BRIP1: variants seen among roughly 807,000 people sequenced by gnomAD.
BRIP1 encodes Fanconi anemia group J protein.
A neutral mutation model predicts 119.7 loss-of-function variants in BRIP1; 88 were observed. The observed-to-expected ratio is 0.74, with a 90% CI of 0.62 to 0.88. The LOEUF (loss-of-function observed/expected upper bound fraction) is 0.88, where lower values mean the gene tolerates loss of function less well. Among genes scored for constraint, BRIP1 ranks in the 40% least tolerant of loss-of-function variants. BRIP1 has a pLI of 0.00. For missense variants in BRIP1, 1,259 were observed against 1,455.4 expected, an observed-to-expected ratio of 0.87 and a Z score of 2.20; for synonymous variants, 443 against 496.5, an observed-to-expected ratio of 0.89 and a Z score of 1.43.
In BRIP1 at chr17:61,837,112, A is replaced by G. The variant is rs185221277; in HGVS notation, c.627+9989T>C. 9.1e-4 allele frequency among the ~76,000 whole-genome samples: 138 copies of G among 152,362 alleles called. 1 individual carries two copies. Among genetic ancestry groups the G allele is most frequent in the Non-Finnish European group, 1.5e-3 (104 of 68,032 alleles). ...TTTTGAAAACTGTCAAACCCAAAGA[A>G]AAGTTAAAAGAACATGACAATAAGC... On this transcript the variant is annotated intron_variant, in intron 6 of 19. Coordinates refer to ENST00000259008, the MANE Select transcript of BRIP1 (RefSeq NM_032043.3).
At chr17:61,765,410 TATATATATA>T (rs1456813285) in intron 14 of BRIP1, among the ~76,000 whole-genome samples, 14 of 17,362 alleles carry the variant, frequency 8.1e-4, no homozygotes, top group Non-Finnish European at 1.2e-3. Context: ...TATATATATA[TATATATATA>T]TATATTTTTT....
At position 61,856,837 on chromosome 17, in the gene BRIP1, A is replaced by G. The variant is rs2145822919; in HGVS notation, c.379+221T>C. Among the ~76,000 whole-genome samples the G allele has an allele frequency of 6.6e-6, 1 of 152,356 alleles. No homozygotes were observed. On this transcript the variant is annotated intron_variant, in intron 4 of 19. Coordinates refer to ENST00000259008, the MANE Select transcript of BRIP1 (RefSeq NM_032043.3). This position sits in a 1 kb window ranked among gnomAD's most constrained non-coding sequence, Gnocchi z 5.1. ...CCTTGCCTTCCTTAAAAAATTATTT[A>G]GGACAACAAAATGTCTCAATAAATT...
chr17:61,781,848 G>A (rs2077624853), intron 11 of BRIP1, among the ~76,000 whole-genome samples: 1 of 151,570 alleles, frequency 6.6e-6, no homozygotes, highest in African/African-American at 2.4e-5. Flanking sequence ...TTGAACCCGG[G>A]AGGTGGAGGT....
chr17:61,704,812 T>G lies in BRIP1; in HGVS notation c.2492+11139A>C, dbSNP rs559385998. ...ATGCCTGTGGAGTCTGTAGTTATAC[T>G]ATTAATACCTCTTTTATTCCTGATA... On this transcript the variant is annotated intron_variant, in intron 17 of 19. Transcript: ENST00000259008. This position sits in a 1 kb window ranked among gnomAD's most constrained non-coding sequence, Gnocchi z 5.7. Among the ~76,000 whole-genome samples, 1 of 152,266 alleles carries G rather than the reference T, an allele frequency of 6.6e-6. No homozygotes were observed. The highest frequency in any genetic ancestry group is 1.9e-4 in the East Asian group (1 of 5,196).
In BRIP1 at chr17:61,799,180, A is replaced by G; in HGVS notation, c.1260T>C (p.Asp420=). The change falls in exon 9 of 20, where the codon GAT becomes GAC. Residue 420 remains aspartate, a synonymous_variant. Transcript: ENST00000259008. This position sits in a 1 kb window ranked among gnomAD's most constrained non-coding sequence, Gnocchi z 5.1. The part of the protein sequence containing the change: ...VTEVQLRFAR[D]ELDSMVNNNI... ...TATTGTTGACCATACTATCTAGTTC[A>G]TCCCGAGCAAACCGAAGCTGAACTT... The G allele has an allele frequency of 6.2e-7, 1 of 1,613,748 alleles. No homozygotes were observed. The highest frequency in any genetic ancestry group is 8.5e-7 in the Non-Finnish European group (1 of 1,179,730).
chr17:61,786,803 AT>A (rs1195965011), intron 10 of BRIP1, among the ~76,000 whole-genome samples: 3 of 130,838 alleles, frequency 2.3e-5, no homozygotes, highest in East Asian at 4.2e-4. Flanking sequence ...TATATTATAT[AT>A]TTATATATTT....
At position 61,861,549 on chromosome 17, in the gene BRIP1, C is replaced by G. The variant is rs1353801662; in HGVS notation, c.-10G>C. On this transcript the variant is annotated 5_prime_UTR_variant, in exon 2 of 20. Coordinates refer to ENST00000259008, the MANE Select transcript of BRIP1 (RefSeq NM_032043.3). This position sits in a 1 kb window ranked among gnomAD's most constrained non-coding sequence, Gnocchi z 4.5. ...ACCACATTGAAGACATAGTGCTTTCCTGTTTATTTCAGATTCCTAACTACA... is the reference window on the plus strand; with the variant it reads ...ACCACATTGAAGACATAGTGCTTTCGTGTTTATTTCAGATTCCTAACTACA... 6.3e-7 allele frequency: 1 copy of G among 1,586,268 alleles called. No homozygotes were observed. The highest frequency in any genetic ancestry group is 1.1e-5 in the South Asian group (1 of 90,468).
rs149731454 is a variant in BRIP1, at chr17:61,692,180, G to A, written c.2575+1250C>T. On this transcript the variant is annotated intron_variant, in intron 18 of 19. Coordinates refer to ENST00000259008, the MANE Select transcript of BRIP1 (RefSeq NM_032043.3). ...AGCAGATGCTGATGCCATGATTCTT[G>A]TGCAGCCTGCAGAACCATAAGCCAA... 3.7e-3 allele frequency among the ~76,000 whole-genome samples: 559 copies of A among 152,296 alleles called. 1 individual carries two copies. The highest frequency in any genetic ancestry group is 0.011 in the African/African-American group (447 of 41,564).
In BRIP1 at chr17:61,776,593, A is replaced by C; in HGVS notation, c.1936-31T>G. 1 of 1,608,514 alleles carries C rather than the reference A, an allele frequency of 6.2e-7. No individual in the cohort carries two copies. The highest frequency in any genetic ancestry group is 8.5e-7 in the Non-Finnish European group (1 of 1,174,900). On this transcript the variant is annotated intron_variant, in intron 13 of 19. Transcript: ENST00000259008. The surrounding 1 kb of genome is among the most constrained non-coding windows in gnomAD (Gnocchi z 5.0). ...ATATGAATATGTCATTATTAGAGTT[A>C]TGCCTGAAAAAGGCATGGAAATTAG...
chr17:61,689,215 C>T lies in BRIP1; in HGVS notation c.2576-3050G>A, dbSNP rs1227897280. On this transcript the variant is annotated intron_variant, in intron 18 of 19. Coordinates refer to ENST00000259008, the MANE Select transcript of BRIP1 (RefSeq NM_032043.3). The surrounding 1 kb of genome is among the most constrained non-coding windows in gnomAD (Gnocchi z 4.5). ...TGTACCACCACACCCGGCTAATTGT[C>T]GTATTTTTAGTAGAGGTGGGGTTTC... 6.6e-6 allele frequency among the ~76,000 whole-genome samples: 1 copy of T among 151,594 alleles called. No homozygotes were observed. The highest frequency in any genetic ancestry group is 2.4e-5 in the African/African-American group (1 of 41,256).
chr17:61,716,795 T>A, intron 16 of BRIP1, among the ~76,000 whole-genome samples: 1 of 151,054 alleles, frequency 6.6e-6, no homozygotes, highest in African/African-American at 2.4e-5. Flanking sequence ...TTTCCACTAC[T>A]GGAAATAATA....
In BRIP1 at chr17:61,682,440, C is replaced by T. The variant is rs1467111311; in HGVS notation, c.*856G>A. Reference sequence around the variant, plus strand: ...CTTCATTTGGCATTTTATATCTTTACGTCAATTTGTTTATGACATGTTTGG... The same window carrying T: ...CTTCATTTGGCATTTTATATCTTTATGTCAATTTGTTTATGACATGTTTGG... On this transcript the variant is annotated 3_prime_UTR_variant, in exon 20 of 20. Transcript: ENST00000259008. This position sits in a 1 kb window ranked among gnomAD's most constrained non-coding sequence, Gnocchi z 4.9. The T allele has an allele frequency of 9.8e-6, 2 of 203,474 alleles. No homozygotes were observed. Among genetic ancestry groups the T allele is most frequent in the Admixed American group, 6.0e-5 (1 of 16,752 alleles). 12.6% of individuals were successfully genotyped at this position (203,474 alleles called of 1,614,324 possible). A position where few individuals can be genotyped will look rare whatever the true frequency, so the allele number is the denominator to read the frequency against.
In BRIP1 at chr17:61,758,662, C is replaced by G. The variant is rs1275576694; in HGVS notation, c.2098-14071G>C. Among the ~76,000 whole-genome samples the G allele has an allele frequency of 6.6e-6, 1 of 151,946 alleles. No individual in the cohort carries two copies. The highest frequency in any genetic ancestry group is 1.9e-4 in the East Asian group (1 of 5,180). The stretch of plus-strand genomic sequence containing the variant: ...GAAGACAGCAAGAGAAATAAAGAAA[C>G]AAAGTACCTACACAACAACTAGAAA... On this transcript the variant is annotated intron_variant, in intron 14 of 19. Coordinates refer to ENST00000259008, the MANE Select transcript of BRIP1 (RefSeq NM_032043.3). The surrounding 1 kb of genome is among the most constrained non-coding windows in gnomAD (Gnocchi z 5.3).
rs1567728640 is a variant in BRIP1 at position 61,683,805 on chromosome 17, C to T, written c.3241G>A (p.Ala1081Thr). ...ETIISSLKID[A>T]TLTRKNHSEH... Reference sequence around the variant, plus strand: ...GAATGATTTTTTCTAGTAAGGGTGGCATCAATCTTTAATGATGAAATAATG... The same window carrying T: ...GAATGATTTTTTCTAGTAAGGGTGGTATCAATCTTTAATGATGAAATAATG... Residue 1081 changes from alanine to threonine, a missense_variant, in exon 20 of 20, where the codon GCC becomes ACC. This residue lies in a region of BRIP1 where 753 missense variants were observed against 891.8 expected (regional missense o/e 0.84). Transcript: ENST00000259008. This position sits in a 1 kb window ranked among gnomAD's most constrained non-coding sequence, Gnocchi z 4.7. The T allele has an allele frequency of 6.2e-7, 1 of 1,614,160 alleles. No homozygotes were observed. The highest frequency in any genetic ancestry group is 8.5e-7 in the Non-Finnish European group (1 of 1,180,038).
At chr17:61,741,246 T>C (rs1339985970) in intron 16 of BRIP1, among the ~76,000 whole-genome samples, 1 of 152,218 alleles carries the variant, frequency 6.6e-6, no homozygotes, top group Non-Finnish European at 1.5e-5. Context: ...GCTCCACTTC[T>C]AATTTAGTTC....
intron 16 of BRIP1, among the ~76,000 whole-genome samples, chr17:61,723,874 C>G (rs529454757): frequency 6.6e-6 from 1 of 152,134 alleles, no homozygotes; most frequent in Non-Finnish European, 1.5e-5. Context: ...GTGGCCCTTA[C>G]TGTGGCTTAA....
In BRIP1 at chr17:61,861,578, G is replaced by A. The variant is rs537183380; in HGVS notation, c.-30-9C>T. On this transcript the variant is annotated splice_polypyrimidine_tract_variant and intron_variant, in intron 1 of 19. Transcript: ENST00000259008. The surrounding 1 kb of genome is among the most constrained non-coding windows in gnomAD (Gnocchi z 4.5). ...TTATTTCAGATTCCTAACTACAACA[G>A]AAATGAAAATGTCAAATATTGAGAC... 3.4e-5 allele frequency: 50 copies of A among 1,460,750 alleles called. No individual in the cohort carries two copies. In the African/African-American group the frequency reaches 5.8e-4, roughly 17 times the overall value. 90.5% of individuals were successfully genotyped at this position (1,460,750 alleles called of 1,614,324 possible). A position where few individuals can be genotyped will look rare whatever the true frequency, so the allele number is the denominator to read the frequency against.
At position 61,682,196 on chromosome 17, in the gene BRIP1, A is replaced by G. The variant is rs575280579; in HGVS notation, c.*1100T>C. The G allele has an allele frequency of 2.5e-5, 5 of 198,142 alleles. No individual in the cohort carries two copies. The South Asian group carries it at 9.6e-4, about 38-fold the overall frequency. 12.3% of individuals were successfully genotyped at this position (198,142 alleles called of 1,614,324 possible). A position where few individuals can be genotyped will look rare whatever the true frequency, so the allele number is the denominator to read the frequency against. On this transcript the variant is annotated 3_prime_UTR_variant, in exon 20 of 20. Coordinates refer to ENST00000259008, the MANE Select transcript of BRIP1 (RefSeq NM_032043.3). The surrounding 1 kb of genome is among the most constrained non-coding windows in gnomAD (Gnocchi z 4.9). ...ATCAAATTTATATATGAAGTTTTCT[A>G]TCTTAATCATTGTATAACTAAAGCT...
rs186283880 is a variant in BRIP1, at chr17:61,748,130, G to A, written c.2098-3539C>T. On this transcript the variant is annotated intron_variant, in intron 14 of 19. Transcript: ENST00000259008. This position sits in a 1 kb window ranked among gnomAD's most constrained non-coding sequence, Gnocchi z 4.7. ...GCACAGCAGGAGGTGAGTGGCAGGT[G>A]AGTGAGCATTACTGCCTGAGCTCAG... Among the ~76,000 whole-genome samples, 23 of 152,302 alleles carry A rather than the reference G, an allele frequency of 1.5e-4. No homozygotes were observed. Among genetic ancestry groups the A allele is most frequent in the African/African-American group, 5.3e-4 (22 of 41,552 alleles).
Sources: gnomAD v4.1 joint callset for allele counts (sites outside exome capture counted in the v4.1 genomes callset) on GRCh38, gnomAD v4.1.1 for gene constraint, gnomAD v4.1.1 regional missense constraint, Gnocchi (gnomAD v3.1) non-coding constraint, MANE v1.5 for transcripts, NCBI Gene and HGNC (gene_info 2026-07-23, HGNC 2026-07-21) for gene names.